TGFBR3: variants seen among roughly 807,000 people sequenced by gnomAD.
TGFBR3 encodes the protein transforming growth factor beta receptor 3.
Under a neutral mutation model 87.9 loss-of-function variants are expected in TGFBR3, and 46 were observed. That is an observed-to-expected ratio of 0.52 (90% CI 0.41 to 0.67). TGFBR3 has a LOEUF of 0.67. TGFBR3 is among the 30% of genes least tolerant of loss of function. The pLI is 0.00. For synonymous variants in TGFBR3, 381 were observed against 391.6 expected (o/e 0.97, Z 0.32); for missense variants, 866 against 1,041.9 (o/e 0.83, Z 2.32).
chr1:91,890,227 C>T (rs1679415768), upstream of TGFBR3, among the ~76,000 whole-genome samples: 3 of 152,070 alleles, frequency 2.0e-5, 1 homozygote, highest in African/African-American at 7.2e-5. Flanking sequence ...GGCTGTTTTT[C>T]ATACAAGGAA....
Position 91,718,500 on chromosome 1 carries a change from G to T in TGFBR3, c.1566+812C>A, listed in dbSNP as rs1202015999. 5.3e-5 allele frequency among the ~76,000 whole-genome samples: 8 copies of T among 150,484 alleles called. No homozygotes were observed. In the East Asian group the frequency reaches 1.6e-3, roughly 30 times the overall value. ...CCCAACCCACCCTGTGTCAAAGGTGGACACAGGGATCTCTGAGCCTTATTT... is the reference window on the plus strand; with the variant it reads ...CCCAACCCACCCTGTGTCAAAGGTGTACACAGGGATCTCTGAGCCTTATTT... On this transcript the variant is annotated intron_variant, in intron 10 of 16. Transcript: ENST00000212355.
chr1:91,816,769 A>C (rs1236770894), intron 2 of TGFBR3, among the ~76,000 whole-genome samples: 3 of 152,248 alleles, frequency 2.0e-5, no homozygotes, highest in African/African-American at 7.2e-5. Context: ...AAAATGAAGC[A>C]TTAAGAAATT....
chr1:91,724,717 T>C (rs939862901), intron 7 of TGFBR3, among the ~76,000 whole-genome samples: 2 of 152,308 alleles, frequency 1.3e-5, no homozygotes, highest in Admixed American at 1.3e-4. Flanking sequence ...TCCCTAGGCT[T>C]TTTCCAGCTT....
chr1:91,712,367 G>A lies in TGFBR3; in HGVS notation c.2042C>T (p.Ala681Val), dbSNP rs762353605. The change falls in exon 13 of 17, where the codon GCT becomes GTT. Residue 681 changes from alanine to valine, a missense_variant. By Grantham distance (64) the Ala-to-Val change is moderately conservative. Coordinates refer to ENST00000212355, the MANE Select transcript of TGFBR3 (RefSeq NM_003243.5). ...PKRVHFPIPQ[A>V]DMDKKRFSFV... ...GCTGAATCGCTTCTTATCCATGTCA[G>A]CTTGCGGGATAGGAAAGTGCACTCT... 6.2e-7 allele frequency: 1 copy of A among 1,614,100 alleles called. No homozygotes were observed. Among genetic ancestry groups the A allele is most frequent in the East Asian group, 2.2e-5 (1 of 44,894 alleles).
At chr1:91,791,422 T>G (rs1306203436) in intron 3 of TGFBR3, among the ~76,000 whole-genome samples, 1 of 152,030 alleles carries the variant, frequency 6.6e-6, no homozygotes, top group Non-Finnish European at 1.5e-5. Flanking sequence ...GTGATAATCC[T>G]AAACCATGAA....
chr1:91,832,792 C>T (rs1676897367), intron 2 of TGFBR3, among the ~76,000 whole-genome samples: 1 of 150,442 alleles, frequency 6.6e-6, no homozygotes, highest in African/African-American at 2.4e-5. Context: ...CACATGAGGC[C>T]AGGAGTTCAA....
At chr1:91,893,616 G>A (rs565581856) in intron 2 of TGFBR3, among the ~76,000 whole-genome samples, 10 of 152,080 alleles carry the variant, frequency 6.6e-5, no homozygotes, top group African/African-American at 2.4e-4. Context: ...TCAGGAATGA[G>A]TTAAATAGAA....
intron 2 of TGFBR3, among the ~76,000 whole-genome samples, chr1:91,802,830 C>T (rs916448829): frequency 2.0e-5 from 3 of 152,064 alleles, no homozygotes; most frequent in African/African-American, 4.8e-5. Flanking sequence ...CCTCTTCCTA[C>T]GTACACCTGG....
At chr1:91,826,640 T>A (rs1571549066) in intron 2 of TGFBR3, among the ~76,000 whole-genome samples, 1 of 151,698 alleles carries the variant, frequency 6.6e-6, no homozygotes, top group Admixed American at 6.6e-5. Context: ...CACCAGCACA[T>A]CCTTCTTCAG....
chr1:91,864,765 A>T (rs1181594312), intron 1 of TGFBR3, among the ~76,000 whole-genome samples: 1 of 152,254 alleles, frequency 6.6e-6, no homozygotes, highest in African/African-American at 2.4e-5. Context: ...GAAAAGTTGT[A>T]GCTTTGATAA....
chr1:91,742,428 T>C (rs974542774), intron 4 of TGFBR3, among the ~76,000 whole-genome samples: 1 of 152,204 alleles, frequency 6.6e-6, no homozygotes, highest in African/African-American at 2.4e-5. Flanking sequence ...ACACCATAAT[T>C]GATTCATTCC....
intron 3 of TGFBR3, among the ~76,000 whole-genome samples, chr1:91,783,932 G>A (rs1674866155): frequency 6.6e-6 from 1 of 152,166 alleles, no homozygotes; most frequent in Non-Finnish European, 1.5e-5. Flanking sequence ...CCTACATCAT[G>A]AGGACAGATC....
intron 2 of TGFBR3, among the ~76,000 whole-genome samples, chr1:91,806,503 T>C (rs971295639): frequency 3.3e-5 from 5 of 151,656 alleles, no homozygotes; most frequent in Non-Finnish European, 5.9e-5. Context: ...GGAGAAGACA[T>C]AGTAAGTAAT....
intron 2 of TGFBR3, among the ~76,000 whole-genome samples, chr1:91,829,339 G>A (rs1676766525): frequency 6.6e-6 from 1 of 151,402 alleles, no homozygotes; most frequent in African/African-American, 2.4e-5. Flanking sequence ...TTGCCCCACT[G>A]CACTCTAGCC....
chr1:91,720,942 G>GC (rs1672347548), intron 8 of TGFBR3, among the ~76,000 whole-genome samples: 1 of 152,146 alleles, frequency 6.6e-6, no homozygotes, highest in African/African-American at 2.4e-5. Context: ...AGAAATAGCT[G>GC]CATAGATACA....
chr1:91,901,161 T>G (rs901290522), intron 1 of TGFBR3, among the ~76,000 whole-genome samples: 7 of 152,214 alleles, frequency 4.6e-5, no homozygotes, highest in Non-Finnish European at 8.8e-5. Context: ...CACCAACACT[T>G]GTTATTTTCT....
At chr1:91,751,881 G>T (rs1673552292) in intron 4 of TGFBR3, among the ~76,000 whole-genome samples, 1 of 152,116 alleles carries the variant, frequency 6.6e-6, no homozygotes, top group South Asian at 2.1e-4. Context: ...TGCTCAATTT[G>T]CCAGTTTCTG....
rs1676405290 is a variant in TGFBR3 at position 91,820,497 on chromosome 1, C to T, written c.62-23026G>A. 2.6e-5 allele frequency among the ~76,000 whole-genome samples: 4 copies of T among 152,070 alleles called. No homozygotes were observed. The South Asian group carries it at 8.3e-4, about 32-fold the overall frequency. The stretch of plus-strand genomic sequence containing the variant: ...AGGAGATCGAGACCATCCTGGCTAA[C>T]ACGTTGAAACCCCGTCTGTACTAAA... On this transcript the variant is annotated intron_variant, in intron 2 of 16. Coordinates refer to ENST00000212355, the MANE Select transcript of TGFBR3 (RefSeq NM_003243.5).
intron 2 of TGFBR3, among the ~76,000 whole-genome samples, chr1:91,816,473 A>G (rs1015128105): frequency 6.6e-6 from 1 of 152,220 alleles, no homozygotes; most frequent in Non-Finnish European, 1.5e-5. Flanking sequence ...AAGCAAATAC[A>G]TACTAAGTTG....
Sources: gnomAD v4.1 joint callset for allele counts (sites outside exome capture counted in the v4.1 genomes callset) on GRCh38, gnomAD v4.1.1 for gene constraint, MANE v1.5 for transcripts, NCBI Gene and HGNC (gene_info 2026-07-23, HGNC 2026-07-21) for gene names.